DMD: variants seen among roughly 807,000 people sequenced by gnomAD.
DMD encodes the protein dystrophin.
In DMD, 63 loss-of-function variants were observed where a neutral mutation model predicts 330.1. The observed-to-expected ratio is 0.19, with a 90% CI of 0.16 to 0.24. The LOEUF (loss-of-function observed/expected upper bound fraction) is 0.24. DMD is among the 10% of genes least tolerant of loss of function. The pLI is 1.00. For synonymous variants in DMD, 1,223 were observed against 959.8 expected (o/e 1.27, Z -5.07); for missense variants, 3,344 against 2,684.1 (o/e 1.25, Z -5.43).
chrX:31,356,020 C>T (rs1026880312), intron 60 of DMD, among the ~76,000 whole-genome samples: 1 of 111,473 alleles, frequency 9.0e-6, no homozygotes, highest in East Asian at 2.8e-4. Flanking sequence ...GGCAAAACAA[C>T]CTGGGCTTGT....
Position 32,874,353 on chromosome X carries a change from C to T in DMD, c.94-24533G>A, listed in dbSNP as rs754294418. Among the ~76,000 whole-genome samples, 3 of 110,936 alleles carry T rather than the reference C, an allele frequency of 2.7e-5. No individual in the cohort carries two copies. In the East Asian group the frequency reaches 8.5e-4, roughly 31 times the overall value. ...AGCTTAGAAAATGTAGAAGAATGAA[C>T]GGTCAGCATGAGCCTTGAACTCTGG... is the stretch of plus-strand genomic sequence containing the variant. On this transcript the variant is annotated intron_variant, in intron 2 of 78. Coordinates refer to ENST00000357033, the MANE Select transcript of DMD (RefSeq NM_004006.3).
chrX:31,925,814 G>A (rs1422630810), intron 47 of DMD, among the ~76,000 whole-genome samples: 3 of 106,252 alleles, frequency 2.8e-5, no homozygotes, highest in African/African-American at 1.0e-4. Context: ...AGAGGTTGCA[G>A]TGAGTGGAGA....
intron 52 of DMD, among the ~76,000 whole-genome samples, chrX:31,686,394 T>A (rs4478725): frequency 0.19 from 21,481 of 111,591 alleles, 1,991 homozygotes; most frequent in Admixed American, 0.33. Flanking sequence ...CAAGTTTTCA[T>A]AATTTGAAAA....
chrX:31,481,936 A>G (rs2068318607), intron 57 of DMD, among the ~76,000 whole-genome samples: 1 of 111,356 alleles, frequency 9.0e-6, no homozygotes, highest in South Asian at 3.8e-4. Flanking sequence ...TTCCACAGAG[A>G]ACCTTTCAGA....
chrX:33,211,568 C>T (rs982121613), upstream of DMD: 78 of 1,009,828 alleles, frequency 7.7e-5, no homozygotes, highest in Non-Finnish European at 9.7e-5. Flanking sequence ...TCTGTAGAGG[C>T]CCCCGGATAT....
intron 1 of DMD, among the ~76,000 whole-genome samples, chrX:33,086,378 T>A (rs1385615550): frequency 8.9e-6 from 1 of 112,041 alleles, no homozygotes; most frequent in Non-Finnish European, 1.9e-5. Context: ...TTAAAAAAAA[T>A]AAAATACTTT....
intron 55 of DMD, among the ~76,000 whole-genome samples, chrX:31,573,538 G>T (rs1407562608): frequency 3.6e-5 from 4 of 111,747 alleles, no homozygotes; most frequent in African/African-American, 1.3e-4. Flanking sequence ...TTTATCAAAA[G>T]ACATGATAAT....
intron 48 of DMD, among the ~76,000 whole-genome samples, chrX:31,862,981 T>C (rs1405961195): frequency 1.8e-5 from 2 of 112,884 alleles, no homozygotes; most frequent in African/African-American, 6.4e-5. Context: ...ATAAAACCTT[T>C]GTCCAGTCCT....
intron 1 of DMD, among the ~76,000 whole-genome samples, chrX:33,304,594 C>A (rs1415206757): frequency 3.6e-5 from 4 of 109,602 alleles, no homozygotes; most frequent in African/African-American, 6.7e-5. Context: ...AGAGCTTCTG[C>A]ACAGCAAAAG....
chrX:32,760,454 C>G (rs1013995934), intron 7 of DMD, among the ~76,000 whole-genome samples: 14 of 111,647 alleles, frequency 1.3e-4, no homozygotes, highest in African/African-American at 4.2e-4. Flanking sequence ...ACTGCAAGCT[C>G]TATTGAAAAT....
intron 9 of DMD, among the ~76,000 whole-genome samples, chrX:32,656,426 G>T (rs774098092): frequency 8.9e-6 from 1 of 111,965 alleles, no homozygotes; most frequent in East Asian, 2.8e-4. Context: ...AAGTCTGAAA[G>T]AGAAACAAAC....
At chrX:32,149,424 T>G (rs2096794207) in intron 44 of DMD, among the ~76,000 whole-genome samples, 1 of 112,317 alleles carries the variant, frequency 8.9e-6, no homozygotes, top group Admixed American at 9.5e-5. Flanking sequence ...CATTCGTTTT[T>G]AAGTCTACTC....
chrX:31,613,463 C>G (rs2078035644), intron 55 of DMD, among the ~76,000 whole-genome samples: 1 of 111,617 alleles, frequency 9.0e-6, no homozygotes, highest in Non-Finnish European at 1.9e-5. Flanking sequence ...AATCCTCCAG[C>G]ATCAGGCAAT....
At chrX:32,597,796 AT>A (rs1193260115) in intron 12 of DMD, among the ~76,000 whole-genome samples, 5 of 112,027 alleles carry the variant, frequency 4.5e-5, no homozygotes, top group Non-Finnish European at 9.4e-5. Flanking sequence ...GGTGCTCCAG[AT>A]CCCATAAGAC....
In DMD at chrX:31,315,399, T is replaced by A. The variant is rs573136219; in HGVS notation, c.9224+8199A>T. Among the ~76,000 whole-genome samples, 55 of 112,164 alleles carry A rather than the reference T, an allele frequency of 4.9e-4. 1 individual carries two copies. In the South Asian group the frequency reaches 1.0e-2, roughly 20 times the overall value. ...TCATAAAGTAGAATGGGTGTCACGT[T>A]AAGCAAATGGCTCAAACGAACAGAG... On this transcript the variant is annotated intron_variant, in intron 62 of 78. Coordinates refer to ENST00000357033, the MANE Select transcript of DMD (RefSeq NM_004006.3).
At chrX:32,764,703 G>C (rs958945887) in intron 7 of DMD, among the ~76,000 whole-genome samples, 25 of 111,912 alleles carry the variant, frequency 2.2e-4, no homozygotes, top group African/African-American at 8.1e-4. Flanking sequence ...GGACATTTGA[G>C]TTGCTCCATC....
intron 18 of DMD, 75 bp from the exon 19 acceptor site, chrX:32,501,917 G>T: frequency 1.3e-6 from 1 of 757,568 alleles, no homozygotes; most frequent in Non-Finnish European, 2.0e-6. Flanking sequence ...ACTTCTACTT[G>T]CCCTTTCAAG....
chrX:31,231,595 G>A (rs1342996329), intron 63 of DMD, among the ~76,000 whole-genome samples: 3 of 112,680 alleles, frequency 2.7e-5, no homozygotes, highest in Non-Finnish European at 5.6e-5. Flanking sequence ...ATATTCATAT[G>A]TAGGCCAGGT....
chrX:32,193,880 A>G (rs762451180), intron 44 of DMD, among the ~76,000 whole-genome samples: 3 of 111,522 alleles, frequency 2.7e-5, no homozygotes, highest in Non-Finnish European at 3.8e-5. Context: ...CCAGCAACAT[A>G]CCCACATCAT....
Sources: allele counts gnomAD v4.1 joint callset (sites outside exome capture counted in the v4.1 genomes callset), GRCh38; gene constraint gnomAD v4.1.1; transcripts MANE v1.5; gene names NCBI Gene and HGNC (gene_info 2026-07-23, HGNC 2026-07-21).